Variants in DLGAP2 observed in about 807,000 individuals in gnomAD.
The protein encoded by DLGAP2 is disks large-associated protein 2.
DLGAP2 carries 26 observed loss-of-function variants against 100.3 expected under a neutral mutation model. The observed-to-expected ratio is 0.26, with a 90% CI of 0.19 to 0.36. DLGAP2 has a LOEUF of 0.36. DLGAP2 is among the 10% of genes least tolerant of loss of function. The pLI is 1.00. For synonymous variants in DLGAP2, 886 were observed against 630.1 expected, an observed-to-expected ratio of 1.41 and a Z score of -6.08; for missense variants, 1,858 against 1,453.2, an observed-to-expected ratio of 1.28 and a Z score of -4.53.
intron 2 of DLGAP2, among the ~76,000 whole-genome samples, chr8:1,078,183 C>T (rs545461666): frequency 6.6e-6 from 1 of 152,292 alleles, no homozygotes; most frequent in Admixed American, 6.5e-5. Flanking sequence ...TGGTTTAGAA[C>T]ATTTATTCAT....
At chr8:1,109,065 T>TGGGTCTGTGAGGTGTGCAC (rs1438251689) in intron 2 of DLGAP2, among the ~76,000 whole-genome samples, 29 of 119,400 alleles carry the variant, frequency 2.4e-4, no homozygotes, top group Non-Finnish European at 4.0e-4. Context: ...TGAAGTGTGC[T>TGGGTCTGTGAGGTGTGCAC]GGGTCTGTGA....
intron 2 of DLGAP2, among the ~76,000 whole-genome samples, chr8:1,001,227 T>C (rs1204218675): frequency 1.3e-5 from 2 of 152,212 alleles, no homozygotes; most frequent in East Asian, 1.9e-4. Flanking sequence ...CATTGTATTG[T>C]GATCAGGACA....
Position 830,779 on chromosome 8 carries a change from A to T in DLGAP2, c.19-77133A>T, listed in dbSNP as rs533204853. On this transcript the variant is annotated intron_variant, in intron 1 of 14. Coordinates refer to ENST00000637795, the MANE Select transcript of DLGAP2 (RefSeq NM_001346810.2). ...TACAATTCAAGTATTTTTGTTTCTC[A>T]TGTTGCCATTTGAGTTATTTTGTTT... Among the ~76,000 whole-genome samples the T allele has an allele frequency of 1.1e-4, 16 of 151,994 alleles. 1 individual carries two copies. The highest frequency in any genetic ancestry group is 3.9e-4 in the African/African-American group (16 of 41,462).
intron 3 of DLGAP2, among the ~76,000 whole-genome samples, chr8:1,465,763 A>G (rs927380955): frequency 6.6e-6 from 1 of 152,234 alleles, no homozygotes; most frequent in Non-Finnish European, 1.5e-5. Context: ...GGTGGAAACT[A>G]GCAAGGCCTA....
intron 2 of DLGAP2, among the ~76,000 whole-genome samples, chr8:1,057,440 CACACAA>C (rs1409127288): frequency 7.9e-5 from 12 of 152,222 alleles, no homozygotes; most frequent in African/African-American, 2.9e-4. Context: ...TAGGGTTATG[CACACAA>C]GGGCTAAGTC....
rs2701904 is a variant in DLGAP2 at position 1,053,585 on chromosome 8, C to G, written c.73+145619C>G. Reference sequence around the variant, plus strand: ...TGAGTGATGAAGACTGACACAGAAACACACCAAGCAGAGGCCCGATAACTG... The same window carrying G: ...TGAGTGATGAAGACTGACACAGAAAGACACCAAGCAGAGGCCCGATAACTG... On this transcript the variant is annotated intron_variant, in intron 2 of 14. Transcript: ENST00000637795. 5.8e-3 allele frequency among the ~76,000 whole-genome samples: 878 copies of G among 152,146 alleles called. 10 individuals carry two copies. Among genetic ancestry groups the G allele is most frequent in the African/African-American group, 0.02 (841 of 41,492 alleles).
rs1160142811 is a variant in DLGAP2 at position 1,258,849 on chromosome 8, A to G, written c.74-2A>G. 8.1e-7 allele frequency: 1 copy of G among 1,231,714 alleles called. No homozygotes were observed. Among genetic ancestry groups the G allele is most frequent in the Non-Finnish European group, 1.0e-6 (1 of 987,982 alleles). 76.3% of individuals were successfully genotyped at this position (1,231,714 alleles called of 1,614,324 possible). On this transcript the variant is annotated splice_acceptor_variant, in intron 2 of 14. Coordinates refer to ENST00000637795, the MANE Select transcript of DLGAP2 (RefSeq NM_001346810.2). LOFTEE classifies it high-confidence loss of function. ...ACAGCTTCTCTCTGTCTCTGTTTTC[A>G]GAGTCGCAGTGCACGCTCTGCGGGG...
chr8:1,350,831 TGC>T, intron 3 of DLGAP2, among the ~76,000 whole-genome samples: 1 of 51,884 alleles, frequency 1.9e-5, no homozygotes, highest in Non-Finnish European at 3.9e-5. Flanking sequence ...GTCCTGAGTG[TGC>T]GTGGAAAGGC....
intron 4 of DLGAP2, among the ~76,000 whole-genome samples, chr8:1,543,746 A>C (rs935039402): frequency 2.0e-5 from 3 of 152,200 alleles, no homozygotes; most frequent in African/African-American, 7.2e-5. Flanking sequence ...AATTTCAGGG[A>C]ATCTCTAGGT....
At position 1,202,639 on chromosome 8, in the gene DLGAP2, G is replaced by C. The variant is rs1039666090; in HGVS notation, c.74-56212G>C. On this transcript the variant is annotated intron_variant, in intron 2 of 14. Transcript: ENST00000637795. Reference sequence around the variant, plus strand: ...AGTCACAGGCAGAGGCTCTGGGGATGGGGGGCCAGGCAATGCCTCCTTCAC... The same window carrying C: ...AGTCACAGGCAGAGGCTCTGGGGATCGGGGGCCAGGCAATGCCTCCTTCAC... Among the ~76,000 whole-genome samples the C allele has an allele frequency of 2.0e-5, 3 of 152,246 alleles. No homozygotes were observed. The South Asian group carries it at 6.2e-4, about 32-fold the overall frequency.
chr8:1,044,175 G>C (rs2600514), intron 2 of DLGAP2, among the ~76,000 whole-genome samples: 2 of 151,968 alleles, frequency 1.3e-5, no homozygotes, highest in Non-Finnish European at 2.9e-5. Flanking sequence ...CAGACTAGGG[G>C]CCCAATAAAG....
Position 1,685,991 on chromosome 8 carries a change from G to A in DLGAP2, c.2705-5544G>A, listed in dbSNP as rs181787453. On this transcript the variant is annotated intron_variant, in intron 12 of 14. Coordinates refer to ENST00000637795, the MANE Select transcript of DLGAP2 (RefSeq NM_001346810.2). ...ACACTGCTGGTTGGAATATGAAGTA[G>A]CCACTATGGAAAGCAGTATAGAGAT... Among the ~76,000 whole-genome samples the A allele has an allele frequency of 3.3e-5, 5 of 152,284 alleles. No individual in the cohort carries two copies. In the East Asian group the frequency reaches 5.8e-4, roughly 18 times the overall value.
rs1799973978 is a variant in DLGAP2, at chr8:1,287,783, GTGTGTA to G, written c.106+28906_106+28911del. Among the ~76,000 whole-genome samples the G allele has an allele frequency of 4.5e-4, 58 of 129,232 alleles. 5 individuals carry two copies. Among genetic ancestry groups the G allele is most frequent in the East Asian group, 1.3e-3 (5 of 3,974 alleles). 84.8% of individuals were successfully genotyped at this position (129,232 alleles called of 152,430 possible). On this transcript the variant is annotated intron_variant, in intron 3 of 14. Coordinates refer to ENST00000637795, the MANE Select transcript of DLGAP2 (RefSeq NM_001346810.2). ...TCAGCGTGTGTGTGTGTGTGTGTCT[GTGTGTA>G]TGTGTGTGTGGTTCTGTTAGGACGG...
intron 8 of DLGAP2, among the ~76,000 whole-genome samples, chr8:1,643,424 G>C (rs79327903): frequency 3.2e-3 from 21 of 6,652 alleles, no homozygotes; most frequent in South Asian, 0.014. Flanking sequence ...GTGTCACCCT[G>C]GAACCCGCCG....
chr8:1,441,798 T>TA (rs1797841364), intron 3 of DLGAP2, among the ~76,000 whole-genome samples: 1 of 145,876 alleles, frequency 6.9e-6, no homozygotes, highest in African/African-American at 2.7e-5. Flanking sequence ...TTTTTTTTTT[T>TA]ATTTAATTTA....
rs57681233 is a variant in DLGAP2 at position 1,107,529 on chromosome 8, G to A, written c.74-151322G>A. On this transcript the variant is annotated intron_variant, in intron 2 of 14. Coordinates refer to ENST00000637795, the MANE Select transcript of DLGAP2 (RefSeq NM_001346810.2). ...TTCACAGGGAGAGCCAGGGCCCCTCGCGTGGGAAGCTCGTGTGCTGTTATT... is the reference window on the plus strand; with the variant it reads ...TTCACAGGGAGAGCCAGGGCCCCTCACGTGGGAAGCTCGTGTGCTGTTATT... Among the ~76,000 whole-genome samples, 1,013 of 152,300 alleles carry A rather than the reference G, an allele frequency of 6.7e-3. 12 individuals are homozygous for A. The highest frequency in any genetic ancestry group is 0.021 in the African/African-American group (876 of 41,562).
At chr8:1,157,525 C>G (rs554681385) in intron 2 of DLGAP2, among the ~76,000 whole-genome samples, 1 of 152,174 alleles carries the variant, frequency 6.6e-6, no homozygotes, top group Non-Finnish European at 1.5e-5. Flanking sequence ...GACTAAATTA[C>G]GTGGGCCTTT....
chr8:1,131,211 C>A lies in DLGAP2; in HGVS notation c.74-127640C>A, dbSNP rs556254670. ...GTTTCAGGGGCCCCATTAGTAGCCACTCAGAGTCAGGGGTGCCGGGCACGT... is the reference window on the plus strand; with the variant it reads ...GTTTCAGGGGCCCCATTAGTAGCCAATCAGAGTCAGGGGTGCCGGGCACGT... On this transcript the variant is annotated intron_variant, in intron 2 of 14. Coordinates refer to ENST00000637795, the MANE Select transcript of DLGAP2 (RefSeq NM_001346810.2). Among the ~76,000 whole-genome samples, 5 of 152,268 alleles carry A rather than the reference C, an allele frequency of 3.3e-5. No individual in the cohort carries two copies. The East Asian group carries it at 5.8e-4, about 18-fold the overall frequency.
At chr8:927,234 G>A in intron 2 of DLGAP2, 3 of 985,314 alleles carry the variant, frequency 3.0e-6, no homozygotes, top group Non-Finnish European at 3.6e-6. Context: ...GATCCATTAT[G>A]GGGGATTCAT....
Sources: gnomAD v4.1 joint callset for allele counts (sites outside exome capture counted in the v4.1 genomes callset) on GRCh38, gnomAD v4.1.1 for gene constraint, MANE v1.5 for transcripts, NCBI Gene and HGNC (gene_info 2026-07-23, HGNC 2026-07-21) for gene names.